OSMR: variants seen among roughly 807,000 people sequenced by gnomAD.
OSMR encodes the protein oncostatin M receptor, also known as oncostatin-M-specific receptor subunit beta.
In OSMR, 81 loss-of-function variants were observed where a neutral mutation model predicts 99.9. The observed-to-expected ratio is 0.81, with a 90% CI of 0.68 to 0.97. The LOEUF (loss-of-function observed/expected upper bound fraction) is 0.97. Among genes scored for constraint, OSMR ranks in the 50% least tolerant of loss-of-function variants. The pLI is 0.00. For missense variants in OSMR, 1,099 were observed against 1,153.4 expected (o/e 0.95, Z 0.68); for synonymous variants, 406 against 410.4 (o/e 0.99, Z 0.13).
rs141451503 is a variant in OSMR at position 38,872,929 on chromosome 5, C to A, written c.74-3272C>A. Among the ~76,000 whole-genome samples the A allele has an allele frequency of 6.1e-3, 933 of 152,218 alleles. 18 individuals are homozygous for A. The highest frequency in any genetic ancestry group is 0.021 in the African/African-American group (867 of 41,524). ...TAGAAACTCAATTTCTGTGTTATGC[C>A]AGCATTTTTATCATGAGTAATTAGT... On this transcript the variant is annotated intron_variant, in intron 2 of 17. Coordinates refer to ENST00000274276, the MANE Select transcript of OSMR (RefSeq NM_003999.3).
At chr5:38,893,084 G>C (rs1424664535) in intron 7 of OSMR, among the ~76,000 whole-genome samples, 3 of 152,180 alleles carry the variant, frequency 2.0e-5, no homozygotes, top group African/African-American at 7.2e-5. Context: ...GCACTTCACA[G>C]TAAACACAGA....
intron 1 of OSMR, among the ~76,000 whole-genome samples, chr5:38,860,529 C>G (rs529605693): frequency 2.0e-5 from 3 of 152,126 alleles, no homozygotes; most frequent in African/African-American, 7.2e-5. Context: ...CTATATTTTT[C>G]TTTTTTTGTG....
downstream of OSMR, chr5:38,935,644 TTG>T (rs1746983599): frequency 6.6e-6 from 1 of 152,338 alleles, no homozygotes; most frequent in East Asian, 1.9e-4. Context: ...CATCATCACA[TTG>T]TGTTTTATCT....
intron 9 of OSMR, among the ~76,000 whole-genome samples, chr5:38,907,220 C>T (rs1008867457): frequency 1.3e-4 from 20 of 152,198 alleles, no homozygotes; most frequent in Non-Finnish European, 2.8e-4. Flanking sequence ...GGCTATGAAG[C>T]ACCCACACTC....
chr5:38,858,581 G>A (rs1741041309), intron 1 of OSMR, among the ~76,000 whole-genome samples: 1 of 152,148 alleles, frequency 6.6e-6, no homozygotes, highest in Non-Finnish European at 1.5e-5. Flanking sequence ...TGGGGGTGCA[G>A]GGATCCCTTT....
rs758042695 is a variant in OSMR, at chr5:38,918,900, C to T, written c.1423C>T (p.Leu475=). The change falls in exon 11 of 18, where the codon CTA becomes TTA. Residue 475 remains leucine, a synonymous_variant. Coordinates refer to ENST00000274276, the MANE Select transcript of OSMR (RefSeq NM_003999.3). ...GTTCTATAATGTAGTTGTAGAAAAC[C>T]TAGACAAACCATCCAGTTCAGAGCT... ...ILFYNVVVEN[L]DKPSSSELHS... is the part of the protein sequence containing the mutation. The T allele has an allele frequency of 2.5e-6, 4 of 1,613,802 alleles. No individual in the cohort carries two copies. Among genetic ancestry groups the T allele is most frequent in the Non-Finnish European group, 2.5e-6 (3 of 1,179,906 alleles).
chr5:38,898,901 C>T (rs920299084), intron 7 of OSMR, among the ~76,000 whole-genome samples: 7 of 148,550 alleles, frequency 4.7e-5, no homozygotes, highest in Non-Finnish European at 1.0e-4. Context: ...TACCCTTTAA[C>T]TTTGTCTCTC....
At chr5:38,914,259 G>A (rs148324721) in intron 9 of OSMR, among the ~76,000 whole-genome samples, 121 of 152,272 alleles carry the variant, frequency 7.9e-4, no homozygotes, top group African/African-American at 2.7e-3. Flanking sequence ...CTAGTAGATG[G>A]TCATCTATGT....
chr5:38,944,387 C>A lies in OSMR; in HGVS notation c.*86+68C>A. 3 of 1,529,666 alleles carry A rather than the reference C, an allele frequency of 2.0e-6. No individual in the cohort carries two copies. The South Asian group carries it at 3.6e-5, about 18-fold the overall frequency. The allele number at this position is 1,529,666 out of a possible 1,614,324, so 94.8% of individuals were successfully genotyped here. Reference sequence around the variant, plus strand: ...CTAACTTTTGAAGTATTTCAAGTATCTTTTCTCGACTTAAAAAACAGAATA... The same window carrying A: ...CTAACTTTTGAAGTATTTCAAGTATATTTTCTCGACTTAAAAAACAGAATA... On this transcript the variant is annotated intron_variant and NMD_transcript_variant, in intron 2 of 2. Coordinates refer to the OSMR transcript ENST00000508882.
At chr5:38,866,226 T>G (rs1269662845) in intron 1 of OSMR, among the ~76,000 whole-genome samples, 1 of 152,152 alleles carries the variant, frequency 6.6e-6, no homozygotes, top group African/African-American at 2.4e-5. Flanking sequence ...CCTCCCGATG[T>G]TGTGCATGAA....
intron 7 of OSMR, among the ~76,000 whole-genome samples, chr5:38,886,898 G>A (rs1743815719): frequency 6.6e-6 from 1 of 152,110 alleles, no homozygotes; most frequent in Admixed American, 6.5e-5. Context: ...CAACTTACAG[G>A]ATAAGGTCAA....
chr5:38,923,381 A>G (rs1430588005), intron 13 of OSMR, 127 bp downstream of exon 13: 4 of 662,742 alleles, frequency 6.0e-6, no homozygotes, highest in South Asian at 3.3e-5. Flanking sequence ...TATTCTAGCA[A>G]TTGGGTTTTT....
rs950400321 is a variant in OSMR at position 38,935,325 on chromosome 5, A to G, written c.*1881A>G. On this transcript the variant is annotated 3_prime_UTR_variant, in exon 18 of 18. Transcript: ENST00000274276. ...ATGTGGCTGTCAACAACTGGCCTAAATAAACCTACACAAACCAGTACTTGC... is the reference window on the plus strand; with the variant it reads ...ATGTGGCTGTCAACAACTGGCCTAAGTAAACCTACACAAACCAGTACTTGC... The G allele has an allele frequency of 5.3e-5, 8 of 152,242 alleles. No individual in the cohort carries two copies. The highest frequency in any genetic ancestry group is 9.6e-5 in the African/African-American group (4 of 41,460). The allele number at this position is 152,242 out of a possible 1,614,324, so 9.4% of individuals were successfully genotyped here. A position where few individuals can be genotyped will look rare whatever the true frequency, so the allele number is the denominator to read the frequency against.
intron 1 of OSMR, among the ~76,000 whole-genome samples, chr5:38,860,813 T>G (rs1741229350): frequency 6.6e-6 from 1 of 152,146 alleles, no homozygotes; most frequent in South Asian, 2.1e-4. Flanking sequence ...GCCTCCTGAG[T>G]AGGTGCCTGC....
intron 13 of OSMR, 138 bp downstream of exon 13, chr5:38,923,392 A>C: frequency 1.5e-6 from 1 of 655,908 alleles, no homozygotes; most frequent in Non-Finnish European, 2.7e-6. Context: ...TTGGGTTTTT[A>C]AAATTATTTT....
At position 38,886,144 on chromosome 5, in the gene OSMR, C is replaced by G. The variant is rs764539362; in HGVS notation, c.945C>G (p.Tyr315Ter). The G allele has an allele frequency of 6.2e-7, 1 of 1,614,062 alleles. No homozygotes were observed. Among genetic ancestry groups the G allele is most frequent in the South Asian group, 1.1e-5 (1 of 91,074 alleles). Residue 315 changes from tyrosine to a stop codon, truncating the protein, a stop_gained, in exon 7 of 18, where the codon TAC (tyrosine) becomes TAG (stop). Transcript: ENST00000274276. LOFTEE classifies it high-confidence loss of function. Reference sequence around the variant, plus strand: ...ACTTCACACTCATAGCTGAAAATTACTTAAGGAAGAGAAGTGTCAATATCC... The same window carrying G: ...ACTTCACACTCATAGCTGAAAATTAGTTAAGGAAGAGAAGTGTCAATATCC... ...TYNFTLIAENYLRKRSVNILF... is the reference protein window; with the variant it reads ...TYNFTLIAEN
At chr5:38,878,420 T>C (rs1048032124) in intron 3 of OSMR, among the ~76,000 whole-genome samples, 3 of 152,110 alleles carry the variant, frequency 2.0e-5, no homozygotes, top group Admixed American at 6.6e-5. Flanking sequence ...GGAAGAGCAC[T>C]TGCAGCTGGA....
At chr5:38,868,628 C>T (rs1742131326) in intron 1 of OSMR, among the ~76,000 whole-genome samples, 1 of 152,212 alleles carries the variant, frequency 6.6e-6, no homozygotes, top group Admixed American at 6.5e-5. Context: ...GGGGCCTCCC[C>T]AGCCATGTGG....
chr5:38,886,047 G>T lies in OSMR; in HGVS notation c.848G>T (p.Gly283Val). The T allele has an allele frequency of 6.2e-7, 1 of 1,613,106 alleles. No individual in the cohort carries two copies. Among genetic ancestry groups the T allele is most frequent in the South Asian group, 1.1e-5 (1 of 90,704 alleles). ...TTGTTTTGTTTTTAAAGATTTTCTG[G>T]GGAAAAGAAACTTTGTACACACAAA... ...QSYTLFESFSGEKKLCTHKNW... is the reference protein window; with the variant it reads ...QSYTLFESFSVEKKLCTHKNW... Residue 283 changes from glycine (G) to valine (V), a missense_variant, in exon 7 of 18, where the codon GGG (glycine) becomes GTG (valine). Coordinates refer to ENST00000274276, the MANE Select transcript of OSMR (RefSeq NM_003999.3).
Sources: gnomAD v4.1 joint callset for allele counts (sites outside exome capture counted in the v4.1 genomes callset) on GRCh38, gnomAD v4.1.1 for gene constraint, MANE v1.5 for transcripts, NCBI Gene and HGNC (gene_info 2026-07-23, HGNC 2026-07-21) for gene names.